Variants in NPAS3 observed in about 807,000 individuals in gnomAD.
The protein encoded by NPAS3 is neuronal PAS domain protein 3, also known as neuronal PAS domain-containing protein 3.
A neutral mutation model predicts 73.1 loss-of-function variants in NPAS3; 14 were observed. The observed-to-expected ratio is 0.19, with a 90% CI of 0.13 to 0.30. The LOEUF is 0.30. NPAS3 is among the 10% of genes least tolerant of loss of function. The pLI, the probability that NPAS3 is intolerant of heterozygous loss-of-function variation, is 1.00. For synonymous variants in NPAS3, 620 were observed against 541.5 expected, an observed-to-expected ratio of 1.14 and a Z score of -2.01; for missense variants, 1,096 against 1,250.0, an observed-to-expected ratio of 0.88 and a Z score of 1.86.
intron 1 of NPAS3, among the ~76,000 whole-genome samples, chr14:33,004,679 T>C (rs55959923): frequency 3.0e-4 from 45 of 152,216 alleles, no homozygotes; most frequent in African/African-American, 1.0e-3. Context: ...TATTTTACTT[T>C]ATAAACTTTT....
intron 2 of NPAS3, among the ~76,000 whole-genome samples, chr14:33,196,600 T>C (rs2046363954): frequency 6.6e-6 from 1 of 152,156 alleles, no homozygotes; most frequent in Admixed American, 6.5e-5. Context: ...GCTATACAAA[T>C]AAGGACACAC....
chr14:33,223,226 G>A (rs556814394), intron 3 of NPAS3, among the ~76,000 whole-genome samples: 47 of 152,114 alleles, frequency 3.1e-4, no homozygotes, highest in Non-Finnish European at 5.3e-4. Context: ...CAGGAGAATC[G>A]CTTGAACGTG....
intron 7 of NPAS3, among the ~76,000 whole-genome samples, chr14:33,752,828 G>T (rs773007725): frequency 1.3e-5 from 2 of 152,104 alleles, no homozygotes; most frequent in Non-Finnish European, 2.9e-5. Flanking sequence ...CTGTCTTTCT[G>T]ATATTTTTTT....
chr14:33,016,380 A>G (rs1049206947), intron 1 of NPAS3, among the ~76,000 whole-genome samples: 2 of 148,932 alleles, frequency 1.3e-5, no homozygotes, highest in African/African-American at 4.9e-5. Flanking sequence ...ACTGCGTGGT[A>G]TTTAGTGGAC....
intron 4 of NPAS3, among the ~76,000 whole-genome samples, chr14:33,400,650 A>C (rs2047406494): frequency 6.6e-6 from 1 of 152,142 alleles, no homozygotes; most frequent in Non-Finnish European, 1.5e-5. Flanking sequence ...CATTTAGTTC[A>C]ATGAGAAGAC....
chr14:33,574,759 T>C (rs1307831199), intron 5 of NPAS3, among the ~76,000 whole-genome samples: 3 of 152,110 alleles, frequency 2.0e-5, no homozygotes, highest in Non-Finnish European at 2.9e-5. Flanking sequence ...ATAAGCTTGA[T>C]GGTATGAAAG....
intron 1 of NPAS3, among the ~76,000 whole-genome samples, chr14:32,982,160 C>T (rs1477498248): frequency 6.6e-6 from 1 of 152,136 alleles, no homozygotes; most frequent in Non-Finnish European, 1.5e-5. Flanking sequence ...TGAGGGACTT[C>T]TTTACGGCGT....
At chr14:33,462,115 T>C (rs2050298103) in intron 4 of NPAS3, among the ~76,000 whole-genome samples, 1 of 152,188 alleles carries the variant, frequency 6.6e-6, no homozygotes, top group Non-Finnish European at 1.5e-5. Context: ...TTACAGGAAG[T>C]TAGTCCACAA....
At chr14:33,239,065 A>G (rs2048131911) in intron 3 of NPAS3, among the ~76,000 whole-genome samples, 1 of 151,978 alleles carries the variant, frequency 6.6e-6, no homozygotes, top group South Asian at 2.1e-4. Flanking sequence ...AAATGAAACC[A>G]GCATGTTTAT....
At chr14:33,472,577 A>G (rs543862395) in intron 4 of NPAS3, among the ~76,000 whole-genome samples, 1 of 151,616 alleles carries the variant, frequency 6.6e-6, no homozygotes, top group South Asian at 2.1e-4. Context: ...AGGTATTACA[A>G]TCTTCTAGGC....
At chr14:33,149,579 C>T (rs1219765838) in intron 2 of NPAS3, among the ~76,000 whole-genome samples, 1 of 152,032 alleles carries the variant, frequency 6.6e-6, no homozygotes, top group African/African-American at 2.4e-5. Context: ...ATTGTGTATC[C>T]AGCTTGCAAA....
intron 5 of NPAS3, among the ~76,000 whole-genome samples, chr14:33,560,703 T>C (rs887189942): frequency 1.3e-5 from 2 of 152,242 alleles, no homozygotes; most frequent in Non-Finnish European, 2.9e-5. Context: ...TTGCAAATGC[T>C]TCCTAATGCT....
At chr14:32,956,716 A>G (rs904716317) in intron 1 of NPAS3, among the ~76,000 whole-genome samples, 8 of 152,336 alleles carry the variant, frequency 5.3e-5, no homozygotes, top group South Asian at 2.1e-4. Flanking sequence ...TCTTGAATAC[A>G]TGTTGGAATA....
intron 2 of NPAS3, among the ~76,000 whole-genome samples, chr14:33,147,265 G>A (rs781325925): frequency 5.9e-5 from 9 of 151,996 alleles, no homozygotes; most frequent in Non-Finnish European, 1.0e-4. Flanking sequence ...AGTTCTGATT[G>A]GAAGTTAAGG....
chr14:33,053,595 G>C (rs1274262939), intron 1 of NPAS3, among the ~76,000 whole-genome samples: 1 of 152,188 alleles, frequency 6.6e-6, no homozygotes, highest in Non-Finnish European at 1.5e-5. Flanking sequence ...GAACTCAGTA[G>C]CTTTTTGATG....
chr14:33,353,736 G>A (rs80000609), intron 3 of NPAS3, among the ~76,000 whole-genome samples: 157 of 152,282 alleles, frequency 1.0e-3, no homozygotes, highest in Middle Eastern at 3.4e-3. Flanking sequence ...TCCTATTTAC[G>A]CAGAGGAGAA....
chr14:33,802,776 T>C (rs1337784258), downstream of NPAS3: 1 of 152,456 alleles, frequency 6.6e-6, no homozygotes, highest in Non-Finnish European at 1.5e-5. Context: ...TCCTCTGTAA[T>C]GTCACCCTAT....
At chr14:33,301,941 G>A (rs1179998411) in intron 3 of NPAS3, among the ~76,000 whole-genome samples, 1 of 152,188 alleles carries the variant, frequency 6.6e-6, no homozygotes, top group African/African-American at 2.4e-5. Flanking sequence ...AACAGTAGTT[G>A]TTCCAAGTGA....
chr14:33,193,105 C>T (rs2046228764), intron 2 of NPAS3, among the ~76,000 whole-genome samples: 1 of 151,996 alleles, frequency 6.6e-6, no homozygotes, highest in South Asian at 2.1e-4. Flanking sequence ...CTCTTTTATA[C>T]ATAAAAGTTC....
Sources: allele counts gnomAD v4.1 joint callset (sites outside exome capture counted in the v4.1 genomes callset), GRCh38; gene constraint gnomAD v4.1.1; transcripts MANE v1.5; gene names NCBI Gene and HGNC (gene_info 2026-07-23, HGNC 2026-07-21).